GCN1: variants seen among roughly 807,000 people sequenced by gnomAD.
GCN1 encodes stalled ribosome sensor GCN1.
Under a neutral mutation model 288.4 loss-of-function variants are expected in GCN1, and 90 were observed. The observed-to-expected ratio is 0.31, with a 90% confidence interval of 0.26 to 0.37. The LOEUF (loss-of-function observed/expected upper bound fraction) is 0.37. Ranked by LOEUF, GCN1 falls within the 10% of genes least tolerant of loss-of-function variation. The probability of loss-of-function intolerance (pLI) is 1.00; values close to 1 mark genes in which losing one functional copy is unlikely to be tolerated. For missense variants in GCN1, 2,586 were observed against 3,419.9 expected (o/e 0.76, Z 6.08); for synonymous variants, 1,386 against 1,420.2 (o/e 0.98, Z 0.54).
At chr12:120,138,110 A>G in intron 47 of GCN1, 66 bp from the exon 48 acceptor site, 1 of 1,475,994 alleles carries the variant, frequency 6.8e-7, no homozygotes, top group South Asian at 1.2e-5. Flanking sequence ...CTCTGGGAAC[A>G]GACGGGTGGG....
rs1421019852 is a variant in GCN1 at position 120,156,054 on chromosome 12, T to C, written c.3313-335A>G. Among the ~76,000 whole-genome samples the C allele has an allele frequency of 1.3e-5, 2 of 152,216 alleles. No homozygotes were observed. Among genetic ancestry groups the C allele is most frequent in the Middle Eastern group, 3.2e-3 (1 of 316 alleles). On this transcript the variant is annotated intron_variant, in intron 28 of 57. Coordinates refer to ENST00000300648, the MANE Select transcript of GCN1 (RefSeq NM_006836.2). This position sits in a 1 kb window ranked among gnomAD's most constrained non-coding sequence, Gnocchi z 5.8. ...AAAAGCCAGTGAAAACTCTGTCACA[T>C]ATCAATAGCAGGAGGCTGTGGATCA...
At chr12:120,146,133 G>C (rs1027290750) in intron 38 of GCN1, among the ~76,000 whole-genome samples, 1 of 151,828 alleles carries the variant, frequency 6.6e-6, no homozygotes, top group East Asian at 1.9e-4. Context: ...CAGGCATGGT[G>C]GTGGGCGGCT....
chr12:120,194,630 C>G (rs1879112748), intron 1 of GCN1, 50 bp downstream of exon 1: 2 of 1,499,810 alleles, frequency 1.3e-6, no homozygotes, highest in Non-Finnish European at 8.9e-7. Context: ...CGACGGCCAC[C>G]GTCCGCACCC....
chr12:120,172,657 C>A (rs1426426042), intron 14 of GCN1, among the ~76,000 whole-genome samples: 1 of 152,044 alleles, frequency 6.6e-6, no homozygotes, highest in Non-Finnish European at 1.5e-5. Flanking sequence ...TTACAAGCAC[C>A]TGTCATCATG....
At chr12:120,143,991 T>C (rs559937015) in intron 42 of GCN1, among the ~76,000 whole-genome samples, 4 of 152,170 alleles carry the variant, frequency 2.6e-5, no homozygotes, top group Non-Finnish European at 5.9e-5. Context: ...TTTTTTTTTC[T>C]CCTAAGACAG....
In GCN1 at chr12:120,134,490, C is replaced by T; in HGVS notation, c.7202+43G>A. The stretch of plus-strand genomic sequence containing the variant: ...GCGCAGGCTCGGCCCACAGCAACCC[C>T]TGGCCTCCTGGAGGCCACAGTGCTC... On this transcript the variant is annotated intron_variant, in intron 52 of 57. Coordinates refer to ENST00000300648, the MANE Select transcript of GCN1 (RefSeq NM_006836.2). The surrounding 1 kb of genome is among the most constrained non-coding windows in gnomAD (Gnocchi z 5.0). 4 of 1,595,236 alleles carry T rather than the reference C, an allele frequency of 2.5e-6. No homozygotes were observed. Among genetic ancestry groups the T allele is most frequent in the South Asian group, 1.1e-5 (1 of 90,658 alleles).
In GCN1 at chr12:120,127,586, G is replaced by T. The variant is rs1290493933; in HGVS notation, c.*263C>A. 2.4e-6 allele frequency: 1 copy of T among 410,122 alleles called. No homozygotes were observed. Among genetic ancestry groups the T allele is most frequent in the East Asian group, 4.9e-5 (1 of 20,514 alleles). The allele number at this position is 410,122 out of a possible 1,614,324, so 25.4% of individuals were successfully genotyped here. A position where few individuals can be genotyped will look rare whatever the true frequency, so the allele number is the denominator to read the frequency against. On this transcript the variant is annotated 3_prime_UTR_variant, in exon 58 of 58. Transcript: ENST00000300648. ...TTCCAGACCTAGCCATGCTAAACTG[G>T]ACAAACAGCTCCTGGGCTGCCATTT...
At position 120,155,541 on chromosome 12, in the gene GCN1, C is replaced by T. The variant is rs879561286; in HGVS notation, c.3440+51G>A. The T allele has an allele frequency of 6.2e-7, 1 of 1,612,254 alleles. No individual in the cohort carries two copies. The highest frequency in any genetic ancestry group is 8.5e-7 in the Non-Finnish European group (1 of 1,178,566). On this transcript the variant is annotated intron_variant, in intron 29 of 57. Transcript: ENST00000300648. This position sits in a 1 kb window ranked among gnomAD's most constrained non-coding sequence, Gnocchi z 4.9. ...TGAGCACACTGGGTTCAGTTATTTCCTAAAGGAAGAGAGGATGCAGCAGGA... is the reference window on the plus strand; with the variant it reads ...TGAGCACACTGGGTTCAGTTATTTCTTAAAGGAAGAGAGGATGCAGCAGGA...
intron 2 of GCN1, among the ~76,000 whole-genome samples, chr12:120,189,796 T>C (rs914383806): frequency 1.3e-4 from 19 of 151,818 alleles, no homozygotes; most frequent in Admixed American, 3.9e-4. Context: ...CTGGCCAACA[T>C]GGTGAAACCC....
At chr12:120,183,247 T>C (rs1157254642) in intron 5 of GCN1, among the ~76,000 whole-genome samples, 1 of 152,234 alleles carries the variant, frequency 6.6e-6, no homozygotes, top group African/African-American at 2.4e-5. Context: ...GTCTACTTGA[T>C]TTTTGGCTGT....
chr12:120,151,431 C>T (rs747505990), intron 33 of GCN1, 40 bp from the exon 34 acceptor site: 6 of 1,606,256 alleles, frequency 3.7e-6, no homozygotes, highest in Non-Finnish European at 5.1e-6. Context: ...GGCTCCGCTG[C>T]AGCCGTTTCA....
intron 2 of GCN1, among the ~76,000 whole-genome samples, chr12:120,189,292 C>T (rs986123139): frequency 2.6e-5 from 4 of 151,704 alleles, no homozygotes; most frequent in African/African-American, 4.8e-5. Context: ...AGGCTGGTCT[C>T]GAACTCCTGA....
At position 120,163,179 on chromosome 12, in the gene GCN1, C is replaced by A; in HGVS notation, c.1929G>T (p.Leu643=). The change falls in exon 19 of 58, where the codon CTG becomes CTT. Residue 643 remains leucine (L), a synonymous_variant. Coordinates refer to ENST00000300648, the MANE Select transcript of GCN1 (RefSeq NM_006836.2). ...CGGAGATGACACACAGAGCCTCCTG[C>A]AGGACCCGTGGAGGCACGTAGGCCT... ...AGKAYVPPRV[L]QEALCVISGV... The A allele has an allele frequency of 6.2e-7, 1 of 1,613,918 alleles. No individual in the cohort carries two copies. Among genetic ancestry groups the A allele is most frequent in the Non-Finnish European group, 8.5e-7 (1 of 1,179,760 alleles).
intron 16 of GCN1, among the ~76,000 whole-genome samples, chr12:120,165,002 T>TATACACACACACACACACACAC (rs533586250): frequency 5.1e-5 from 7 of 136,890 alleles, no homozygotes; most frequent in African/African-American, 1.7e-4. Flanking sequence ...TACACATATA[T>TATACACACACACACACACACAC]ACACACACAC....
intron 5 of GCN1, among the ~76,000 whole-genome samples, chr12:120,181,135 T>G (rs374778276): frequency 1.1e-3 from 165 of 152,210 alleles, no homozygotes; most frequent in African/African-American, 3.7e-3. Context: ...TAAAAAACCG[T>G]AAGCAACAGA....
chr12:120,161,791 A>G, intron 21 of GCN1, 89 bp downstream of exon 21: 1 of 1,291,536 alleles, frequency 7.7e-7, no homozygotes, highest in Non-Finnish European at 1.1e-6. Flanking sequence ...TGTTGCATTC[A>G]ACTCACAGGA....
At position 120,134,161 on chromosome 12, in the gene GCN1, G is replaced by C; in HGVS notation, c.7317+130C>G. ...GAAATGTTGGTGAAGCATACAGGGT[G>C]ATAGAAATGTCAGGAATGCTTATTA... is the stretch of plus-strand genomic sequence containing the variant. On this transcript the variant is annotated intron_variant, in intron 53 of 57. Coordinates refer to ENST00000300648, the MANE Select transcript of GCN1 (RefSeq NM_006836.2). This position sits in a 1 kb window ranked among gnomAD's most constrained non-coding sequence, Gnocchi z 5.0. The C allele has an allele frequency of 1.6e-6, 1 of 642,018 alleles. No individual in the cohort carries two copies. Among genetic ancestry groups the C allele is most frequent in the Non-Finnish European group, 2.8e-6 (1 of 355,578 alleles). The allele number at this position is 642,018 out of a possible 1,614,324, so 39.8% of individuals were successfully genotyped here.
At chr12:120,182,791 T>C (rs1474992167) in intron 5 of GCN1, among the ~76,000 whole-genome samples, 1 of 151,922 alleles carries the variant, frequency 6.6e-6, no homozygotes, top group African/African-American at 2.4e-5. Flanking sequence ...TACAAAAGAA[T>C]TAGCCAGGTG....
chr12:120,170,029 C>T, intron 15 of GCN1, 140 bp downstream of exon 15: 1 of 721,804 alleles, frequency 1.4e-6, no homozygotes. Flanking sequence ...CCATGAGGTT[C>T]ATCCTGCAGA....
Sources: gnomAD v4.1 joint callset for allele counts (sites outside exome capture counted in the v4.1 genomes callset) on GRCh38, gnomAD v4.1.1 for gene constraint, Gnocchi (gnomAD v3.1) non-coding constraint, MANE v1.5 for transcripts, NCBI Gene and HGNC (gene_info 2026-07-23, HGNC 2026-07-21) for gene names.